Variants in TAFA5 observed in about 807,000 individuals in gnomAD.
TAFA5 encodes TAFA chemokine like family member 5, also known as chemokine-like protein TAFA-5.
In TAFA5, 6 loss-of-function variants were observed where a neutral mutation model predicts 15.3. That is an observed-to-expected ratio of 0.39 (90% CI 0.21 to 0.77). The LOEUF (loss-of-function observed/expected upper bound fraction) is 0.77, where lower values mean the gene tolerates loss of function less well. Ranked by LOEUF, TAFA5 falls within the 30% of genes least tolerant of loss-of-function variation. The pLI, the probability that TAFA5 is intolerant of heterozygous loss-of-function variation, is 0.41. For synonymous variants in TAFA5, 103 were observed against 80.7 expected, an observed-to-expected ratio of 1.28 and a Z score of -1.48; for missense variants, 161 against 193.1, an observed-to-expected ratio of 0.83 and a Z score of 0.98.
At chr22:48,494,519 CTG>C (rs1351902566) in intron 1 of TAFA5, among the ~76,000 whole-genome samples, 2 of 152,192 alleles carry the variant, frequency 1.3e-5, no homozygotes, top group African/African-American at 4.8e-5. Flanking sequence ...GTCCTTGAGG[CTG>C]TGTCAGGGGC....
chr22:48,694,683 G>C (rs1444331094), intron 2 of TAFA5, among the ~76,000 whole-genome samples: 1 of 152,060 alleles, frequency 6.6e-6, no homozygotes, highest in African/African-American at 2.4e-5. Context: ...CTGTGTCCCC[G>C]GGCCACAGTG....
At chr22:48,693,111 G>A (rs574671713) in intron 2 of TAFA5, 5 of 627,730 alleles carry the variant, frequency 8.0e-6, no homozygotes, top group South Asian at 4.0e-5. Flanking sequence ...CCGCCCACTC[G>A]GATTCCCAGT....
chr22:48,634,261 C>T (rs912098698), intron 1 of TAFA5, among the ~76,000 whole-genome samples: 1 of 152,122 alleles, frequency 6.6e-6, no homozygotes, highest in Non-Finnish European at 1.5e-5. Context: ...ATCATTTACT[C>T]ATTCACTCAT....
chr22:48,584,108 C>G (rs188229044), intron 1 of TAFA5, among the ~76,000 whole-genome samples: 1 of 147,648 alleles, frequency 6.8e-6, no homozygotes, highest in Non-Finnish European at 1.5e-5. Context: ...CACACACACA[C>G]CACACACACA....
chr22:48,657,428 C>T (rs748832416), intron 2 of TAFA5, among the ~76,000 whole-genome samples: 13 of 152,228 alleles, frequency 8.5e-5, no homozygotes, highest in Non-Finnish European at 1.6e-4. Flanking sequence ...GATGGCTTCA[C>T]TGGTGAATTG....
chr22:48,543,158 G>C (rs1159298278), intron 1 of TAFA5, among the ~76,000 whole-genome samples: 3 of 152,006 alleles, frequency 2.0e-5, no homozygotes, highest in Admixed American at 6.5e-5. Flanking sequence ...AACATCTCCT[G>C]GGGAGCCGGG....
At chr22:48,535,919 G>A (rs766040175) in intron 1 of TAFA5, among the ~76,000 whole-genome samples, 8 of 152,330 alleles carry the variant, frequency 5.3e-5, no homozygotes, top group South Asian at 4.1e-4. Context: ...ATGCATATAC[G>A]TAGGTGTGAG....
chr22:48,509,528 G>A (rs1271675432), intron 1 of TAFA5, among the ~76,000 whole-genome samples: 1 of 152,080 alleles, frequency 6.6e-6, no homozygotes, highest in Non-Finnish European at 1.5e-5. Flanking sequence ...TGGGTGAGTT[G>A]GTATCTCATT....
chr22:48,625,982 C>A (rs1926013684), intron 1 of TAFA5, among the ~76,000 whole-genome samples: 1 of 152,234 alleles, frequency 6.6e-6, no homozygotes, highest in South Asian at 2.1e-4. Flanking sequence ...TTGCCCTCAG[C>A]AGTAAGCGTT....
intron 2 of TAFA5, among the ~76,000 whole-genome samples, chr22:48,669,128 C>A (rs1325207899): frequency 6.6e-6 from 1 of 152,212 alleles, no homozygotes; most frequent in African/African-American, 2.4e-5. Context: ...CAGGAAGCCC[C>A]CGCCAGACAC....
intron 1 of TAFA5, among the ~76,000 whole-genome samples, chr22:48,507,956 T>G (rs1467619712): frequency 6.6e-6 from 1 of 152,138 alleles, no homozygotes; most frequent in Admixed American, 6.5e-5. Flanking sequence ...AGTGTCCTCA[T>G]CTGTGCAGTG....
intron 3 of TAFA5, among the ~76,000 whole-genome samples, chr22:48,741,387 G>A (rs114625033): frequency 7.9e-5 from 12 of 152,304 alleles, no homozygotes; most frequent in South Asian, 4.1e-4. Flanking sequence ...CTCCTGCGTC[G>A]GGCGTGGAGG....
intron 1 of TAFA5, among the ~76,000 whole-genome samples, chr22:48,547,828 C>T (rs892028015): frequency 2.6e-5 from 4 of 152,188 alleles, no homozygotes; most frequent in East Asian, 3.8e-4. Context: ...CTGAGTTTGA[C>T]GACTGCCGCT....
chr22:48,608,326 T>G (rs28470428), intron 1 of TAFA5, among the ~76,000 whole-genome samples: 7,459 of 152,254 alleles, frequency 0.049, 237 homozygotes, highest in East Asian at 0.12. Context: ...TCACGATACC[T>G]CCTTCCAGTC....
At chr22:48,671,993 C>G (rs976508343) in intron 2 of TAFA5, among the ~76,000 whole-genome samples, 18 of 152,204 alleles carry the variant, frequency 1.2e-4, no homozygotes, top group African/African-American at 4.1e-4. Context: ...CCCTGAACCT[C>G]TCCAAGTCTC....
chr22:48,514,585 C>T (rs5768694), intron 1 of TAFA5, among the ~76,000 whole-genome samples: 40,259 of 151,968 alleles, frequency 0.26, 6,576 homozygotes, highest in Middle Eastern at 0.41. Flanking sequence ...GCCCTGCAGA[C>T]CCTGCCCAGG....
intron 2 of TAFA5, among the ~76,000 whole-genome samples, chr22:48,694,071 A>G (rs1928626151): frequency 6.6e-6 from 1 of 152,134 alleles, no homozygotes; most frequent in Non-Finnish European, 1.5e-5. Context: ...GACTGCATCC[A>G]TGTTCCAGCA....
At chr22:48,574,750 G>A (rs1023990872) in intron 1 of TAFA5, among the ~76,000 whole-genome samples, 1 of 152,186 alleles carries the variant, frequency 6.6e-6, no homozygotes, top group Non-Finnish European at 1.5e-5. Context: ...AAAATACCTT[G>A]AGGCCCACCA....
At chr22:48,630,270 G>A (rs915829656) in intron 1 of TAFA5, among the ~76,000 whole-genome samples, 20 of 152,168 alleles carry the variant, frequency 1.3e-4, no homozygotes, top group Non-Finnish European at 2.4e-4. Context: ...GCTGAATGAC[G>A]TGTCCCCTGT....
Sources: gnomAD v4.1 joint callset for allele counts (sites outside exome capture counted in the v4.1 genomes callset) on GRCh38, gnomAD v4.1.1 for gene constraint, MANE v1.5 for transcripts, NCBI Gene and HGNC (gene_info 2026-07-23, HGNC 2026-07-21) for gene names.